Variants in PIEZO2 observed in about 807,000 individuals in gnomAD.
PIEZO2 encodes piezo type mechanosensitive ion channel component 2.
In PIEZO2, 172 loss-of-function variants were observed where a neutral mutation model predicts 337.3. The observed-to-expected ratio is 0.51, with a 90% CI of 0.45 to 0.58. The LOEUF is 0.58. Ranked by LOEUF, PIEZO2 falls within the 20% of genes least tolerant of loss-of-function variation. The pLI is 0.00. For missense variants in PIEZO2, 3,028 were observed against 3,391.3 expected, an observed-to-expected ratio of 0.89 and a Z score of 2.66; for synonymous variants, 1,251 against 1,228.5, an observed-to-expected ratio of 1.02 and a Z score of -0.38.
intron 39 of PIEZO2, among the ~76,000 whole-genome samples, chr18:10,711,180 A>G (rs2035805786): frequency 6.6e-6 from 1 of 152,188 alleles, no homozygotes; most frequent in Admixed American, 6.5e-5. Flanking sequence ...ACTTGAGTTT[A>G]TTTTAACCAG....
intron 42 of PIEZO2, among the ~76,000 whole-genome samples, chr18:10,703,876 C>CTTTACG (rs549424561): frequency 6.6e-6 from 1 of 151,772 alleles, no homozygotes; most frequent in Non-Finnish European, 1.5e-5. Context: ...ACGTATGGAA[C>CTTTACG]TTTACGTTTA....
rs539344522 is a variant in PIEZO2 at position 11,146,384 on chromosome 18, G to T, written c.64+2141C>A. The stretch of plus-strand genomic sequence containing the variant: ...TGAACAGTGTGCGGGCACCACAGAA[G>T]AAGCTCGGTGGGGGTCCCAGTGGTG... On this transcript the variant is annotated intron_variant, in intron 1 of 55. Coordinates refer to ENST00000674853, the MANE Select transcript of PIEZO2 (RefSeq NM_001378183.1). The surrounding 1 kb of genome is among the most constrained non-coding windows in gnomAD (Gnocchi z 6.1). Among the ~76,000 whole-genome samples, 24 of 152,266 alleles carry T rather than the reference G, an allele frequency of 1.6e-4. No individual in the cohort carries two copies. The highest frequency in any genetic ancestry group is 2.9e-4 in the Non-Finnish European group (20 of 68,012).
rs11663163 is a variant in PIEZO2 at position 11,048,008 on chromosome 18, G to A, written c.160+18119C>T. Among the ~76,000 whole-genome samples the A allele has an allele frequency of 0.38, 57,405 of 151,834 alleles. 12,091 individuals are homozygous for A. The highest frequency in any genetic ancestry group is 0.49 in the Non-Finnish European group (32,993 of 67,938). The stretch of plus-strand genomic sequence containing the variant: ...GTACTCCAGGCCTTCCTCCTGCATG[G>A]TCTGCAGCTCTGAAAGTGGTTCCAG... On this transcript the variant is annotated intron_variant, in intron 2 of 55. Transcript: ENST00000674853. This position sits in a 1 kb window ranked among gnomAD's most constrained non-coding sequence, Gnocchi z 4.5.
At chr18:11,024,727 G>C (rs967137074) in intron 2 of PIEZO2, among the ~76,000 whole-genome samples, 5 of 151,758 alleles carry the variant, frequency 3.3e-5, no homozygotes, top group Admixed American at 2.0e-4. Flanking sequence ...TGCAACCTTC[G>C]TCTCCTGGAT....
chr18:10,779,539 A>G (rs1006048123), intron 18 of PIEZO2, among the ~76,000 whole-genome samples: 1 of 152,230 alleles, frequency 6.6e-6, no homozygotes, highest in African/African-American at 2.4e-5. Context: ...CATCTGAAGG[A>G]AAGTCCATAT....
Position 10,775,136 on chromosome 18 carries a change from G to A in PIEZO2, c.2535-1098C>T, listed in dbSNP as rs2038740341. The stretch of plus-strand genomic sequence containing the variant: ...AAACAGATTGTTAATTTAATGAAGA[G>A]AGAGAATCTGAAGCGAGTTTTACAT... On this transcript the variant is annotated intron_variant, in intron 18 of 55. Transcript: ENST00000674853. The surrounding 1 kb of genome is among the most constrained non-coding windows in gnomAD (Gnocchi z 4.3). Among the ~76,000 whole-genome samples, 1 of 152,200 alleles carries A rather than the reference G, an allele frequency of 6.6e-6. No individual in the cohort carries two copies. The highest frequency in any genetic ancestry group is 2.4e-5 in the African/African-American group (1 of 41,444).
Position 10,794,949 on chromosome 18 carries a change from C to T in PIEZO2, c.1581G>A (p.Ser527=), listed in dbSNP as rs548501156. 21 of 1,546,924 alleles carry T rather than the reference C, an allele frequency of 1.4e-5. No individual in the cohort carries two copies. The highest frequency in any genetic ancestry group is 9.8e-5 in the East Asian group (4 of 40,922). The change falls in exon 13 of 56, where the codon TCG becomes TCA. Residue 527 remains serine, a synonymous_variant. Transcript: ENST00000674853. The surrounding 1 kb of genome is among the most constrained non-coding windows in gnomAD (Gnocchi z 6.6). ...SWLTFVLLIW[S]CTLWMIRNRR... ...TGTTGCGAATCATCCAAAGAGTGCA[C>T]GACCAGATCAGCAGCACGAAGGTCA...
chr18:10,783,214 T>C lies in PIEZO2; in HGVS notation c.2492+1570A>G, dbSNP rs1370651847. Reference sequence around the variant, plus strand: ...ACAACTCCTTCACAAACATATAAATTGGCTCTGCTAACTAAAATACTTTGT... The same window carrying C: ...ACAACTCCTTCACAAACATATAAATCGGCTCTGCTAACTAAAATACTTTGT... On this transcript the variant is annotated intron_variant, in intron 17 of 55. Transcript: ENST00000674853. This position sits in a 1 kb window ranked among gnomAD's most constrained non-coding sequence, Gnocchi z 4.3. 6.6e-6 allele frequency among the ~76,000 whole-genome samples: 1 copy of C among 152,184 alleles called. No homozygotes were observed. The highest frequency in any genetic ancestry group is 1.5e-5 in the Non-Finnish European group (1 of 68,030).
intron 37 of PIEZO2, among the ~76,000 whole-genome samples, chr18:10,717,261 T>C (rs1317726329): frequency 6.6e-6 from 1 of 152,146 alleles, no homozygotes; most frequent in African/African-American, 2.4e-5. Flanking sequence ...GCTGTTACGG[T>C]GTGAGGCTTT....
intron 2 of PIEZO2, among the ~76,000 whole-genome samples, chr18:11,051,627 A>G (rs747746178): frequency 6.6e-6 from 1 of 152,170 alleles, no homozygotes; most frequent in African/African-American, 2.4e-5. Context: ...TGGCAGGACT[A>G]AATAAGCAAA....
At chr18:10,964,354 CAATT>C (rs2033913756) in intron 3 of PIEZO2, among the ~76,000 whole-genome samples, 2 of 151,990 alleles carry the variant, frequency 1.3e-5, no homozygotes, top group Non-Finnish European at 2.9e-5. Flanking sequence ...AATGTAGTAA[CAATT>C]AACAAAAATC....
At chr18:10,937,048 C>T (rs1568217061) in intron 3 of PIEZO2, among the ~76,000 whole-genome samples, 2 of 152,194 alleles carry the variant, frequency 1.3e-5, no homozygotes, top group South Asian at 2.1e-4. Flanking sequence ...ACTCCTACAA[C>T]AGACTATCCA....
chr18:11,020,299 A>G (rs946528434), intron 2 of PIEZO2, among the ~76,000 whole-genome samples: 3 of 152,152 alleles, frequency 2.0e-5, no homozygotes, highest in African/African-American at 7.2e-5. Context: ...CAGAATCACT[A>G]TCCTAGCTCA....
intron 4 of PIEZO2, among the ~76,000 whole-genome samples, chr18:10,884,062 C>T (rs540601930): frequency 3.3e-5 from 5 of 152,120 alleles, no homozygotes; most frequent in Non-Finnish European, 7.3e-5. Context: ...CCACCCACCT[C>T]GGCCTCCCAA....
chr18:10,835,580 G>A (rs966313482), intron 7 of PIEZO2, among the ~76,000 whole-genome samples: 1 of 146,592 alleles, frequency 6.8e-6, no homozygotes, highest in African/African-American at 2.5e-5. Context: ...GTCTCGCTCT[G>A]TCACCCAGGC....
intron 4 of PIEZO2, among the ~76,000 whole-genome samples, chr18:10,900,195 AC>A (rs2043009007): frequency 6.6e-6 from 1 of 151,782 alleles, no homozygotes; most frequent in South Asian, 2.1e-4. Context: ...ACACACACAC[AC>A]ACACACACAC....
rs535992431 is a variant in PIEZO2, at chr18:11,051,686, G to A, written c.160+14441C>T. On this transcript the variant is annotated intron_variant, in intron 2 of 55. Coordinates refer to ENST00000674853, the MANE Select transcript of PIEZO2 (RefSeq NM_001378183.1). ...TAAATGTCACACTGTAGCTGGATGC[G>A]TGTCCCCTATCTCAGACTGCGGCCA... Among the ~76,000 whole-genome samples, 9 of 152,304 alleles carry A rather than the reference G, an allele frequency of 5.9e-5. No homozygotes were observed. In the South Asian group the frequency reaches 6.2e-4, roughly 11 times the overall value.
rs2033857109 is a variant in PIEZO2, at chr18:10,673,272, G to A, written c.8162-399C>T. ...TTGTTGCATGTCTCATAGGAGGAAG[G>A]CACTCAATTAGGTGCTAAAGGGTTC... is the stretch of plus-strand genomic sequence containing the variant. On this transcript the variant is annotated intron_variant, in intron 54 of 55. Transcript: ENST00000674853. This position sits in a 1 kb window ranked among gnomAD's most constrained non-coding sequence, Gnocchi z 4.8. 6.6e-6 allele frequency among the ~76,000 whole-genome samples: 1 copy of A among 152,162 alleles called. No individual in the cohort carries two copies. Among genetic ancestry groups the A allele is most frequent in the Non-Finnish European group, 1.5e-5 (1 of 68,034 alleles).
In PIEZO2 at chr18:10,716,279, G is replaced by A. The variant is rs1441580979; in HGVS notation, c.5090-463C>T. Among the ~76,000 whole-genome samples, 1 of 152,082 alleles carries A rather than the reference G, an allele frequency of 6.6e-6. No homozygotes were observed. The highest frequency in any genetic ancestry group is 1.5e-5 in the Non-Finnish European group (1 of 68,028). ...TCCTCCTCCTCCTCAACCCACTCAA[G>A]GGAAGGACGATGAGGATGAGAGCTT... On this transcript the variant is annotated intron_variant, in intron 37 of 55. Transcript: ENST00000674853. The surrounding 1 kb of genome is among the most constrained non-coding windows in gnomAD (Gnocchi z 4.1).
Sources: gnomAD v4.1 joint callset for allele counts (sites outside exome capture counted in the v4.1 genomes callset) on GRCh38, gnomAD v4.1.1 for gene constraint, Gnocchi (gnomAD v3.1) non-coding constraint, MANE v1.5 for transcripts, NCBI Gene and HGNC (gene_info 2026-07-23, HGNC 2026-07-21) for gene names.